Variants in TAOK1 observed in about 807,000 individuals in gnomAD.
TAOK1 encodes the protein serine/threonine-protein kinase TAO1.
TAOK1 carries 21 observed loss-of-function variants against 138.3 expected under a neutral mutation model. The observed-to-expected ratio is 0.15, with a 90% CI of 0.11 to 0.22. The LOEUF (loss-of-function observed/expected upper bound fraction) is 0.22. Ranked by LOEUF, TAOK1 falls within the 10% of genes least tolerant of loss-of-function variation. TAOK1 has a pLI of 1.00. For synonymous variants in TAOK1, 361 were observed against 398.4 expected, an observed-to-expected ratio of 0.91 and a Z score of 1.12; for missense variants, 651 against 1,227.7, an observed-to-expected ratio of 0.53 and a Z score of 7.02.
intron 17 of TAOK1, among the ~76,000 whole-genome samples, chr17:29,528,031 TTTTG>T (rs879423272): frequency 1.2e-4 from 19 of 152,166 alleles, no homozygotes; most frequent in African/African-American, 1.7e-4. Context: ...AGTTTTGTTA[TTTTG>T]TTTGTTTGTT....
chr17:29,463,355 A>G (rs1349767257), intron 2 of TAOK1, among the ~76,000 whole-genome samples: 1 of 152,120 alleles, frequency 6.6e-6, no homozygotes, highest in Admixed American at 6.5e-5. Flanking sequence ...AGATCACCCA[A>G]GGTCAGGAGT....
chr17:29,539,178 G>T (rs2032272709), intron 19 of TAOK1, among the ~76,000 whole-genome samples: 1 of 152,132 alleles, frequency 6.6e-6, no homozygotes, highest in African/African-American at 2.4e-5. Flanking sequence ...GTGGAGGATT[G>T]CTTGAACCTG....
Position 29,444,914 on chromosome 17 carries a change from T to A in TAOK1, c.-94-6541T>A, listed in dbSNP as rs151086727. ...TTGTTAGACTTATGTTTACTCAGTT[T>A]TTTTCCCATTGCTATTTTGTACATT... On this transcript the variant is annotated intron_variant, in intron 1 of 19. Transcript: ENST00000261716. Among the ~76,000 whole-genome samples the A allele has an allele frequency of 1.9e-3, 293 of 152,320 alleles. 2 individuals are homozygous for A. The highest frequency in any genetic ancestry group is 6.5e-3 in the African/African-American group (269 of 41,568).
At chr17:29,444,052 T>C (rs1290894908) in intron 1 of TAOK1, among the ~76,000 whole-genome samples, 1 of 151,990 alleles carries the variant, frequency 6.6e-6, no homozygotes, top group East Asian at 1.9e-4. Flanking sequence ...GAGACAGAGG[T>C]TGCAATGAGC....
At chr17:29,494,552 C>T (rs183347465) in intron 10 of TAOK1, among the ~76,000 whole-genome samples, 2 of 152,120 alleles carry the variant, frequency 1.3e-5, no homozygotes, top group African/African-American at 2.4e-5. Flanking sequence ...GATAGCTGGG[C>T]GCGGTGGCTC....
chr17:29,458,639 G>A (rs1175678455), intron 2 of TAOK1, among the ~76,000 whole-genome samples: 1 of 152,074 alleles, frequency 6.6e-6, no homozygotes, highest in African/African-American at 2.4e-5. Context: ...TGGAATTACA[G>A]ACATGCGCCA....
intron 15 of TAOK1, among the ~76,000 whole-genome samples, chr17:29,516,251 G>A (rs544765765): frequency 2.5e-4 from 38 of 152,088 alleles, no homozygotes; most frequent in African/African-American, 8.0e-4. Flanking sequence ...GTGAGCCACC[G>A]CGCCCAGCCA....
At chr17:29,439,492 C>T (rs953863957) in intron 1 of TAOK1, among the ~76,000 whole-genome samples, 4 of 152,146 alleles carry the variant, frequency 2.6e-5, no homozygotes, top group South Asian at 2.1e-4. Flanking sequence ...CATGAGCCAC[C>T]GTGCCCAGCC....
At chr17:29,433,838 G>A (rs1324479740) in intron 1 of TAOK1, among the ~76,000 whole-genome samples, 1 of 152,122 alleles carries the variant, frequency 6.6e-6, no homozygotes, top group Non-Finnish European at 1.5e-5. Context: ...TCTAGCAATT[G>A]TTAGATTAAG....
In TAOK1 at chr17:29,548,593, A is replaced by C. The variant is rs763139825; in HGVS notation, c.*5571A>C. 19 of 152,138 alleles carry C rather than the reference A, an allele frequency of 1.2e-4. No homozygotes were observed. The highest frequency in any genetic ancestry group is 2.6e-4 in the Admixed American group (4 of 15,276). The allele number at this position is 152,138 out of a possible 1,614,324, so 9.4% of individuals were successfully genotyped here. Reference sequence around the variant, plus strand: ...GAGAGAAGATGAGACTTTTGAATGAATGAAAAAGGGTATCTTGATACCCAG... The same window carrying C: ...GAGAGAAGATGAGACTTTTGAATGACTGAAAAAGGGTATCTTGATACCCAG... On this transcript the variant is annotated 3_prime_UTR_variant, in exon 20 of 20. Coordinates refer to ENST00000261716, the MANE Select transcript of TAOK1 (RefSeq NM_020791.4).
At chr17:29,482,166 AT>A (rs1358716002) in intron 7 of TAOK1, 30 bp from the exon 8 acceptor site, 51 of 1,527,614 alleles carry the variant, frequency 3.3e-5, no homozygotes, top group Non-Finnish European at 4.5e-5. Context: ...TTTAAAAAAA[AT>A]CTTTAATTTA....
chr17:29,449,163 T>C (rs1030119635), intron 1 of TAOK1, among the ~76,000 whole-genome samples: 1 of 152,116 alleles, frequency 6.6e-6, no homozygotes, highest in Non-Finnish European at 1.5e-5. Context: ...TAAGTAACAC[T>C]GAAGTTTGTT....
chr17:29,531,427 A>G (rs2032106037), intron 18 of TAOK1, among the ~76,000 whole-genome samples: 1 of 151,880 alleles, frequency 6.6e-6, no homozygotes, highest in Non-Finnish European at 1.5e-5. Context: ...TTACAGGCGC[A>G]AAATATTTTC....
intron 1 of TAOK1, among the ~76,000 whole-genome samples, chr17:29,392,187 A>G (rs1034471113): frequency 6.6e-6 from 1 of 151,986 alleles, no homozygotes; most frequent in Non-Finnish European, 1.5e-5. Context: ...CTGCACTCCA[A>G]CCTGGGCGAC....
intron 2 of TAOK1, among the ~76,000 whole-genome samples, chr17:29,458,785 C>T (rs1239911440): frequency 6.6e-6 from 1 of 152,156 alleles, no homozygotes; most frequent in Non-Finnish European, 1.5e-5. Context: ...ACCTCTGCCT[C>T]CTGGGTTCAA....
intron 19 of TAOK1, among the ~76,000 whole-genome samples, chr17:29,537,648 C>T (rs7223533): frequency 0.24 from 36,023 of 151,438 alleles, 4,877 homozygotes; most frequent in East Asian, 0.66. Context: ...TGAGCCACTG[C>T]GCCTGGAGTT....
At chr17:29,531,764 GA>G (rs1346796544) in intron 18 of TAOK1, among the ~76,000 whole-genome samples, 8 of 129,766 alleles carry the variant, frequency 6.2e-5, no homozygotes, top group East Asian at 2.2e-4. Flanking sequence ...CTCCGTCTCA[GA>G]AAAAAAAAAA....
At chr17:29,399,241 C>T (rs1277278673) in intron 1 of TAOK1, among the ~76,000 whole-genome samples, 5 of 152,206 alleles carry the variant, frequency 3.3e-5, no homozygotes, top group Non-Finnish European at 7.3e-5. Flanking sequence ...CTGCCTCAGC[C>T]TCCCAAAGTG....
intron 1 of TAOK1, among the ~76,000 whole-genome samples, chr17:29,449,827 T>G (rs1463413197): frequency 1.3e-5 from 2 of 152,010 alleles, no homozygotes; most frequent in Non-Finnish European, 2.9e-5. Context: ...GGTGACAGAG[T>G]GAGACTCTGT....
Sources: gnomAD v4.1 joint callset for allele counts (sites outside exome capture counted in the v4.1 genomes callset) on GRCh38, gnomAD v4.1.1 for gene constraint, MANE v1.5 for transcripts, NCBI Gene and HGNC (gene_info 2026-07-23, HGNC 2026-07-21) for gene names.